Variants in IDO2 observed in about 807,000 individuals in gnomAD.
IDO2 encodes indoleamine 2,3-dioxygenase 2.
In IDO2, 46 loss-of-function variants were observed where a neutral mutation model predicts 45.1. The ratio of observed to expected loss-of-function variants is 1.02; its 90% CI spans 0.80 to 1.30. The LOEUF is 1.30. Ranked by LOEUF, IDO2 falls within the 50% of genes most tolerant of loss-of-function variation. The probability of loss-of-function intolerance (pLI) is 0.00; values close to 1 mark genes in which losing one functional copy is unlikely to be tolerated. For missense variants in IDO2, 544 were observed against 491.8 expected (o/e 1.11, Z -1.00); for synonymous variants, 218 against 184.9 (o/e 1.18, Z -1.45).
chr8:39,991,018 GA>G (rs56724564), intron 8 of IDO2, among the ~76,000 whole-genome samples: 8 of 152,254 alleles, frequency 5.3e-5, no homozygotes, highest in Non-Finnish European at 1.0e-4. Flanking sequence ...TTCCCTGCAG[GA>G]AAGAAAGATT....
At chr8:39,949,672 C>A (rs1210065236) in intron 2 of IDO2, among the ~76,000 whole-genome samples, 1 of 152,194 alleles carries the variant, frequency 6.6e-6, no homozygotes, top group Non-Finnish European at 1.5e-5. Flanking sequence ...TGGAATTTCT[C>A]TGTTAAAGAT....
chr8:39,968,091 A>T (rs1197152477), intron 3 of IDO2, among the ~76,000 whole-genome samples: 1 of 152,064 alleles, frequency 6.6e-6, no homozygotes, highest in East Asian at 1.9e-4. Flanking sequence ...AAAAAAAAAA[A>T]AATCTGGAAG....
At chr8:39,997,019 C>T (rs980222258) in intron 8 of IDO2, among the ~76,000 whole-genome samples, 2 of 152,146 alleles carry the variant, frequency 1.3e-5, no homozygotes, top group African/African-American at 2.4e-5. Flanking sequence ...AAAAATGCTG[C>T]TGCTCAAGCT....
In IDO2 at chr8:40,015,230, T is replaced by G; in HGVS notation, c.869-17T>G. On this transcript the variant is annotated splice_polypyrimidine_tract_variant and intron_variant, in intron 10 of 10. Transcript: ENST00000502986. Reference sequence around the variant, plus strand: ...TCCATGTGGAGCTATGACGTTATGCTGTATTGTTTCTTTCAGGTGACTTTC... The same window carrying G: ...TCCATGTGGAGCTATGACGTTATGCGGTATTGTTTCTTTCAGGTGACTTTC... 7.2e-7 allele frequency: 1 copy of G among 1,384,672 alleles called. No homozygotes were observed. The highest frequency in any genetic ancestry group is 1.2e-5 in the South Asian group (1 of 82,020). 85.8% of individuals were successfully genotyped at this position (1,384,672 alleles called of 1,614,324 possible). A position where few individuals can be genotyped will look rare whatever the true frequency, so the allele number is the denominator to read the frequency against.
rs531312343 is a variant in IDO2, at chr8:39,994,548, C to T, written c.667+4710C>T. Among the ~76,000 whole-genome samples, 8 of 152,154 alleles carry T rather than the reference C, an allele frequency of 5.3e-5. No homozygotes were observed. The South Asian group carries it at 6.2e-4, about 12-fold the overall frequency. ...CTGGGATTACAGGCATGAGCCACCG[C>T]GCCTGGACTGATTATTTTTTAAATA... On this transcript the variant is annotated intron_variant, in intron 8 of 10. Transcript: ENST00000502986.
intron 5 of IDO2, among the ~76,000 whole-genome samples, chr8:39,983,962 G>T (rs1452912957): frequency 1.3e-5 from 2 of 152,048 alleles, no homozygotes; most frequent in African/African-American, 4.8e-5. Flanking sequence ...CTGCAATTAT[G>T]AATTGTGATC....
At chr8:39,953,308 G>A (rs1482167439) in intron 2 of IDO2, among the ~76,000 whole-genome samples, 1 of 152,076 alleles carries the variant, frequency 6.6e-6, no homozygotes, top group Admixed American at 6.6e-5. Context: ...TGTTGTTTCC[G>A]GCTATATAGC....
chr8:40,005,373 C>T (rs1405591643), exon 9 of IDO2: 9 of 1,566,656 alleles, frequency 5.7e-6, no homozygotes, highest in Non-Finnish European at 2.6e-6. Context: ...GGATCTTTCT[C>T]TCTGGGTAAG....
At chr8:40,011,424 A>G (rs1802309257) in intron 9 of IDO2, among the ~76,000 whole-genome samples, 1 of 152,214 alleles carries the variant, frequency 6.6e-6, no homozygotes. Flanking sequence ...ATCACCCAAC[A>G]GCAGTTATGT....
chr8:39,954,673 T>TTTTTTA (rs1807863656), intron 2 of IDO2, among the ~76,000 whole-genome samples: 1 of 146,148 alleles, frequency 6.8e-6, no homozygotes, highest in African/African-American at 2.5e-5. Context: ...TTTTTTTTTT[T>TTTTTTA]GAGACAGAGT....
chr8:39,944,666 G>A (rs1381159132), intron 1 of IDO2, among the ~76,000 whole-genome samples: 1 of 152,116 alleles, frequency 6.6e-6, no homozygotes, highest in Non-Finnish European at 1.5e-5. Flanking sequence ...TAGTCTTAAA[G>A]CCCCTGCACC....
chr8:39,948,419 C>T (rs143008860), intron 1 of IDO2, among the ~76,000 whole-genome samples: 1,788 of 152,262 alleles, frequency 0.012, 32 homozygotes, highest in African/African-American at 0.04. Flanking sequence ...GAACATGGCA[C>T]TTCCAAGTAC....
chr8:39,947,948 C>G (rs1426452704), intron 1 of IDO2, among the ~76,000 whole-genome samples: 1 of 152,036 alleles, frequency 6.6e-6, no homozygotes, highest in South Asian at 2.1e-4. Flanking sequence ...CCACCACGCT[C>G]GGCTAATTTT....
chr8:39,934,905 T>A, exon 1 of IDO2: 1 of 544,698 alleles, frequency 1.8e-6, no homozygotes, highest in South Asian at 2.2e-5. Flanking sequence ...TAAGGGATCA[T>A]TTGCTGGTGT....
chr8:39,953,667 A>G (rs984668661), intron 2 of IDO2, among the ~76,000 whole-genome samples: 3 of 152,094 alleles, frequency 2.0e-5, no homozygotes, highest in Non-Finnish European at 4.4e-5. Context: ...GGTTCAAACG[A>G]TTCTCCTGCC....
chr8:39,958,911 T>A (rs1374004882), intron 2 of IDO2, among the ~76,000 whole-genome samples: 7 of 152,236 alleles, frequency 4.6e-5, no homozygotes, highest in Non-Finnish European at 7.3e-5. Context: ...TATAAATTTG[T>A]TAAGAAAATT....
At chr8:39,969,144 A>G (rs77502231) in intron 3 of IDO2, among the ~76,000 whole-genome samples, 2,509 of 152,260 alleles carry the variant, frequency 0.016, 71 homozygotes, top group African/African-American at 0.058. Flanking sequence ...ATACCTTTGC[A>G]TTTTGCAGAT....
chr8:39,996,155 G>A (rs1439987766), intron 8 of IDO2, among the ~76,000 whole-genome samples: 1 of 151,746 alleles, frequency 6.6e-6, no homozygotes, highest in Non-Finnish European at 1.5e-5. Flanking sequence ...GGGGGAGTTA[G>A]AGAAGACTCT....
Position 39,987,982 on chromosome 8 carries a change from C to G in IDO2, c.549+12C>G, listed in dbSNP as rs761616723. The stretch of plus-strand genomic sequence containing the variant: ...TGCCTGGGATAAAGGTATCTTCTCA[C>G]TTGATAGCACCTTTTCTTTTTAAAT... On this transcript the variant is annotated intron_variant, in intron 7 of 10. Transcript: ENST00000502986. 16 of 1,477,264 alleles carry G rather than the reference C, an allele frequency of 1.1e-5. No homozygotes were observed. The South Asian group carries it at 1.9e-4, about 17-fold the overall frequency. 91.5% of individuals were successfully genotyped at this position (1,477,264 alleles called of 1,614,324 possible).
Sources: allele counts gnomAD v4.1 joint callset (sites outside exome capture counted in the v4.1 genomes callset), GRCh38; gene constraint gnomAD v4.1.1; transcripts MANE v1.5; gene names NCBI Gene and HGNC (gene_info 2026-07-23, HGNC 2026-07-21).